The following TENM3 variants were observed in gnomAD, a reference collection of about 807,000 sequenced individuals.
TENM3 encodes the protein teneurin transmembrane protein 3.
In TENM3, 63 loss-of-function variants were observed where a neutral mutation model predicts 255.1. That is an observed-to-expected ratio of 0.25 (90% CI 0.20 to 0.30). TENM3 has a LOEUF of 0.30. Ranked by LOEUF, TENM3 falls within the 10% of genes least tolerant of loss-of-function variation. TENM3 has a pLI of 1.00. For missense variants in TENM3, 2,929 were observed against 3,461.1 expected (o/e 0.85, Z 3.86); for synonymous variants, 1,306 against 1,322.3 (o/e 0.99, Z 0.27).
the TENM3 span, among the ~76,000 whole-genome samples, chr4:181,596,923 G>T: frequency 3.9e-5 from 6 of 152,072 alleles, no homozygotes; most frequent in African/African-American, 1.4e-4. Flanking sequence ...ATACACTGGG[G>T]CCTTTTGGGA....
the TENM3 span, among the ~76,000 whole-genome samples, chr4:181,456,389 A>C: frequency 6.6e-6 from 1 of 151,874 alleles, no homozygotes; most frequent in Admixed American, 6.6e-5. Context: ...TGTTGACATA[A>C]CACAGATAAG....
intron 27 of TENM3, among the ~76,000 whole-genome samples, chr4:182,798,840 T>C (rs1389383052): frequency 6.6e-6 from 1 of 152,198 alleles, no homozygotes; most frequent in Non-Finnish European, 1.5e-5. Flanking sequence ...GTTTCTTTCA[T>C]TGCCGCAAAT....
intron 3 of TENM3, among the ~76,000 whole-genome samples, chr4:182,537,001 G>C (rs527897303): frequency 6.6e-6 from 1 of 152,214 alleles, no homozygotes; most frequent in South Asian, 2.1e-4. Flanking sequence ...GATACACTAG[G>C]TACTTTGAAG....
the TENM3 span, among the ~76,000 whole-genome samples, chr4:181,611,979 T>C: frequency 6.6e-6 from 1 of 152,396 alleles, no homozygotes; most frequent in Non-Finnish European, 1.5e-5. Context: ...ACATGATTAT[T>C]TTCTCATTTA....
At chr4:182,527,536 C>T (rs1379289797) in intron 3 of TENM3, among the ~76,000 whole-genome samples, 3 of 151,010 alleles carry the variant, frequency 2.0e-5, no homozygotes, top group Non-Finnish European at 2.9e-5. Context: ...TATACATTAA[C>T]GTGGCATTTT....
chr4:182,530,626 T>G (rs10023448), intron 3 of TENM3, among the ~76,000 whole-genome samples: 3,234 of 152,192 alleles, frequency 0.021, 109 homozygotes, highest in African/African-American at 0.073. Context: ...AGCACCCTCC[T>G]AGTCATGACA....
the TENM3 span, among the ~76,000 whole-genome samples, chr4:182,039,852 G>A: frequency 6.8e-6 from 1 of 146,328 alleles, no homozygotes; most frequent in South Asian, 2.2e-4. Flanking sequence ...ATTGAAGAAA[G>A]AGAAGGAGGA....
intron 3 of TENM3, among the ~76,000 whole-genome samples, chr4:182,577,826 A>G (rs1389395453): frequency 6.6e-6 from 1 of 152,196 alleles, no homozygotes; most frequent in Admixed American, 6.5e-5. Flanking sequence ...GAGATGGTAC[A>G]CATAAATATC....
At chr4:181,546,779 T>A in the TENM3 span, among the ~76,000 whole-genome samples, 3 of 119,610 alleles carry the variant, frequency 2.5e-5, no homozygotes, top group South Asian at 7.8e-4. Flanking sequence ...CTTTATAGAC[T>A]GAAGTTAGAT....
chr4:182,780,128 C>CCT (rs1765048642), intron 24 of TENM3, among the ~76,000 whole-genome samples: 1 of 152,140 alleles, frequency 6.6e-6, no homozygotes, highest in African/African-American at 2.4e-5. Flanking sequence ...GAAGTCCTTG[C>CCT]GCATGCCTAT....
chr4:181,543,152 A>T, the TENM3 span, among the ~76,000 whole-genome samples: 1 of 152,204 alleles, frequency 6.6e-6, no homozygotes, highest in Admixed American at 6.5e-5. Context: ...ATTCTGTCTT[A>T]TAAAATGTAT....
the TENM3 span, among the ~76,000 whole-genome samples, chr4:181,642,759 G>A: frequency 2.6e-5 from 4 of 152,104 alleles, 1 homozygote; most frequent in South Asian, 6.2e-4. Context: ...TATTAAATAG[G>A]GGATCCTTTC....
chr4:182,183,231 C>A (rs1752947444), intron 1 of TENM3, among the ~76,000 whole-genome samples: 1 of 152,082 alleles, frequency 6.6e-6, no homozygotes, highest in South Asian at 2.1e-4. Context: ...ATTATTTATA[C>A]TCTTCCCATA....
the TENM3 span, among the ~76,000 whole-genome samples, chr4:181,640,077 A>G: frequency 6.6e-6 from 1 of 152,174 alleles, no homozygotes; most frequent in South Asian, 2.1e-4. Flanking sequence ...CCAAAAGGAG[A>G]AGCTGAAGAC....
chr4:182,054,949 G>A, the TENM3 span, among the ~76,000 whole-genome samples: 1 of 152,154 alleles, frequency 6.6e-6, no homozygotes. Flanking sequence ...AGAGCTCGGA[G>A]GTAGGAGAAG....
chr4:182,517,394 T>C, intron 3 of TENM3, among the ~76,000 whole-genome samples: 1 of 126,832 alleles, frequency 7.9e-6, no homozygotes, highest in African/African-American at 3.0e-5. Flanking sequence ...TTTTTTTTTT[T>C]TTTTTTTGAG....
chr4:181,929,789 C>T, the TENM3 span, among the ~76,000 whole-genome samples: 47 of 152,310 alleles, frequency 3.1e-4, no homozygotes, highest in Non-Finnish European at 6.0e-4. Flanking sequence ...AGGTAAAACA[C>T]TCCTCAGCGA....
chr4:182,387,673 A>G (rs1328763203), intron 3 of TENM3, among the ~76,000 whole-genome samples: 1 of 151,518 alleles, frequency 6.6e-6, no homozygotes, highest in Non-Finnish European at 1.5e-5. Context: ...GGAAAGAACA[A>G]CTCCAGACGC....
In TENM3 at chr4:182,774,375, G is replaced by T. The variant is rs150792388; in HGVS notation, c.5069-543G>T. Among the ~76,000 whole-genome samples the T allele has an allele frequency of 5.9e-3, 893 of 152,126 alleles. 16 individuals are homozygous for T. The highest frequency in any genetic ancestry group is 0.02 in the African/African-American group (843 of 41,478). On this transcript the variant is annotated intron_variant, in intron 23 of 27. Transcript: ENST00000511685. ...TATTATTTCAAAATTTTAAACTGAG[G>T]CAGTAGTCTACAATATGAGCTTTTT...
Sources: gnomAD v4.1 joint callset for allele counts (sites outside exome capture counted in the v4.1 genomes callset) on GRCh38, gnomAD v4.1.1 for gene constraint, MANE v1.5 for transcripts, NCBI Gene and HGNC (gene_info 2026-07-23, HGNC 2026-07-21) for gene names.